The following FAM20B variants were observed in gnomAD, a reference collection of about 807,000 sequenced individuals.
FAM20B encodes glycosaminoglycan xylosylkinase.
Under a neutral mutation model 43.8 loss-of-function variants are expected in FAM20B, and 23 were observed. The observed-to-expected ratio is 0.53, with a 90% CI of 0.38 to 0.74. FAM20B has a LOEUF of 0.74. Among genes scored for constraint, FAM20B ranks in the 30% least tolerant of loss-of-function variants. The pLI, the probability that FAM20B is intolerant of heterozygous loss-of-function variation, is 0.00. For synonymous variants in FAM20B, 178 were observed against 192.4 expected (o/e 0.93, Z 0.62); for missense variants, 440 against 510.5 (o/e 0.86, Z 1.33).
At chr1:179,042,771 A>G (rs1650598365) in intron 1 of FAM20B, among the ~76,000 whole-genome samples, 2 of 152,164 alleles carry the variant, frequency 1.3e-5, no homozygotes, top group African/African-American at 4.8e-5. Flanking sequence ...ATGAGAGTCT[A>G]GCTTTCAGTG....
intron 2 of FAM20B, among the ~76,000 whole-genome samples, chr1:179,047,452 A>G (rs1030938792): frequency 1.3e-5 from 2 of 151,990 alleles, no homozygotes; most frequent in African/African-American, 4.8e-5. Flanking sequence ...CCTCCTCTCT[A>G]TACTCAGCCT....
intron 3 of FAM20B, among the ~76,000 whole-genome samples, chr1:179,053,819 A>G (rs1651107723): frequency 6.6e-6 from 1 of 152,220 alleles, no homozygotes; most frequent in South Asian, 2.1e-4. Flanking sequence ...GTGTGTGTTT[A>G]TATACCCACA....
chr1:179,040,898 C>T (rs1378548566), intron 1 of FAM20B, among the ~76,000 whole-genome samples: 2 of 147,020 alleles, frequency 1.4e-5, no homozygotes, highest in East Asian at 2.1e-4. Flanking sequence ...ACTTCTCAGA[C>T]GGGGCGGCCG....
intron 7 of FAM20B, among the ~76,000 whole-genome samples, chr1:179,070,645 C>T (rs1442585406): frequency 2.0e-5 from 3 of 150,672 alleles, no homozygotes; most frequent in Admixed American, 2.0e-4. Flanking sequence ...GTGCCTCAGC[C>T]TCCCAAGTAG....
chr1:179,058,806 A>G (rs1651335419), intron 4 of FAM20B, among the ~76,000 whole-genome samples: 1 of 152,172 alleles, frequency 6.6e-6, no homozygotes. Context: ...GAATAGAAAG[A>G]TTTAAGGGCT....
chr1:179,068,085 C>T (rs114775737), intron 7 of FAM20B, among the ~76,000 whole-genome samples: 340 of 152,208 alleles, frequency 2.2e-3, no homozygotes, highest in African/African-American at 7.5e-3. Flanking sequence ...TTTTAGAGCA[C>T]GCACATCAAG....
intron 4 of FAM20B, among the ~76,000 whole-genome samples, chr1:179,058,658 A>G (rs1262780228): frequency 2.6e-5 from 4 of 152,208 alleles, no homozygotes; most frequent in Admixed American, 6.5e-5. Context: ...TTGAATATGG[A>G]AAAATCAGAT....
upstream of FAM20B, among the ~76,000 whole-genome samples, chr1:179,022,728 G>A (rs1197666246): frequency 1.3e-5 from 2 of 152,170 alleles, no homozygotes; most frequent in African/African-American, 2.4e-5. Context: ...GCTACCATGG[G>A]CCATGTGCAG....
chr1:179,026,315 C>T (rs1649772225), intron 1 of FAM20B, among the ~76,000 whole-genome samples: 1 of 151,640 alleles, frequency 6.6e-6, no homozygotes. Flanking sequence ...CCGAGGCTTC[C>T]TGGGAGACCC....
chr1:179,064,609 CT>C (rs1021064781), intron 6 of FAM20B, 113 bp downstream of exon 6: 41 of 776,880 alleles, frequency 5.3e-5, no homozygotes, highest in Middle Eastern at 5.5e-4. Context: ...CAACATCCTT[CT>C]TTTTTCCACT....
At chr1:179,027,069 T>G (rs955109271) in intron 1 of FAM20B, among the ~76,000 whole-genome samples, 7 of 152,334 alleles carry the variant, frequency 4.6e-5, no homozygotes, top group Middle Eastern at 3.4e-3. Flanking sequence ...GTGCCAGATA[T>G]CAGCATCTTC....
chr1:179,043,211 A>AGGT (rs1650620290), intron 1 of FAM20B, among the ~76,000 whole-genome samples: 1 of 152,208 alleles, frequency 6.6e-6, no homozygotes, highest in Non-Finnish European at 1.5e-5. Context: ...CTGAGACAGC[A>AGGT]GGGGCCTGGT....
chr1:179,063,324 GCCTATAATC>G (rs1405195085), intron 4 of FAM20B, among the ~76,000 whole-genome samples: 3 of 152,024 alleles, frequency 2.0e-5, no homozygotes, highest in Admixed American at 1.3e-4. Context: ...GGTGGCTCAT[GCCTATAATC>G]CCAGCATTTT....
Position 179,072,416 on chromosome 1 carries a change from T to C in FAM20B, c.*272T>C, listed in dbSNP as rs1651962368. On this transcript the variant is annotated 3_prime_UTR_variant, in exon 8 of 8. Transcript: ENST00000263733. ...GGCATCATAGTTGGTCAGTCTTAAT[T>C]CCCATGCCAAAGGACAAACAGGTGT... 2 of 434,858 alleles carry C rather than the reference T, an allele frequency of 4.6e-6. No homozygotes were observed. Among genetic ancestry groups the C allele is most frequent in the Non-Finnish European group, 4.2e-6 (1 of 238,282 alleles). The allele number at this position is 434,858 out of a possible 1,614,324, so 26.9% of individuals were successfully genotyped here. A position where few individuals can be genotyped will look rare whatever the true frequency, so the allele number is the denominator to read the frequency against.
chr1:179,040,228 G>A lies in FAM20B; in HGVS notation c.-133-3487G>A, dbSNP rs566090185. 2.2e-4 allele frequency among the ~76,000 whole-genome samples: 34 copies of A among 152,272 alleles called. No individual in the cohort carries two copies. In the East Asian group the frequency reaches 6.4e-3, roughly 29 times the overall value. On this transcript the variant is annotated intron_variant, in intron 1 of 7. Transcript: ENST00000263733. ...AAAACCGCCACTGTCATCATGGCCC[G>A]TTCCCAGTGAGCCGTTGGGCACACC...
At chr1:179,064,121 A>G (rs368785040) in intron 5 of FAM20B, 23 bp downstream of exon 5, 1 of 1,588,808 alleles carries the variant, frequency 6.3e-7, no homozygotes, top group Non-Finnish European at 8.6e-7. Context: ...ATGAGCCATT[A>G]CTTAATTCTC....
At chr1:179,032,694 A>G (rs1009437725) in intron 1 of FAM20B, among the ~76,000 whole-genome samples, 2 of 152,184 alleles carry the variant, frequency 1.3e-5, no homozygotes, top group African/African-American at 4.8e-5. Context: ...AGAAGAAAAA[A>G]TATCTATAGA....
chr1:179,057,025 G>A (rs1421507904), intron 4 of FAM20B, among the ~76,000 whole-genome samples: 2 of 152,308 alleles, frequency 1.3e-5, no homozygotes, highest in Admixed American at 6.5e-5. Context: ...ATGGCCGAAA[G>A]TCCTTTGTTA....
chr1:179,069,407 G>C (rs1330064016), intron 7 of FAM20B, among the ~76,000 whole-genome samples: 2 of 152,168 alleles, frequency 1.3e-5, no homozygotes, highest in Non-Finnish European at 2.9e-5. Context: ...GTCTCGCTCT[G>C]TCGCCCAGGC....
Sources: gnomAD v4.1 joint callset for allele counts (sites outside exome capture counted in the v4.1 genomes callset) on GRCh38, gnomAD v4.1.1 for gene constraint, MANE v1.5 for transcripts, NCBI Gene and HGNC (gene_info 2026-07-23, HGNC 2026-07-21) for gene names.